The following ITK variants were observed in gnomAD, a reference collection of about 807,000 sequenced individuals.
ITK encodes the protein tyrosine-protein kinase ITK/TSK.
A neutral mutation model predicts 87.6 loss-of-function variants in ITK; 45 were observed. The ratio of observed to expected loss-of-function variants is 0.51; its 90% CI spans 0.40 to 0.66. The LOEUF is 0.66. ITK is among the 30% of genes least tolerant of loss of function. The pLI is 0.00. For synonymous variants in ITK, 303 were observed against 273.6 expected, an observed-to-expected ratio of 1.11 and a Z score of -1.06; for missense variants, 605 against 766.3, an observed-to-expected ratio of 0.79 and a Z score of 2.48.
intron 7 of ITK, 56 bp from the exon 8 acceptor site, chr5:157,232,284 G>C: frequency 8.3e-7 from 1 of 1,200,038 alleles, no homozygotes; most frequent in Non-Finnish European, 1.2e-6. Context: ...TCTTTTATAA[G>C]TAAATAATGA....
intron 4 of ITK, 133 bp downstream of exon 4, chr5:157,214,452 C>T: frequency 3.9e-6 from 3 of 772,674 alleles, no homozygotes; most frequent in Non-Finnish European, 6.7e-6. Flanking sequence ...CAAGAGGAAT[C>T]ATCTGTCTTT....
chr5:157,234,273 C>T (rs531799428), intron 8 of ITK, among the ~76,000 whole-genome samples: 187 of 152,104 alleles, frequency 1.2e-3, no homozygotes, highest in Non-Finnish European at 1.9e-3. Flanking sequence ...TGAGCCACCA[C>T]GCCCAGCCTC....
intron 4 of ITK, among the ~76,000 whole-genome samples, chr5:157,215,454 G>A (rs766403157): frequency 2.0e-5 from 3 of 152,026 alleles, no homozygotes; most frequent in South Asian, 2.1e-4. Context: ...AGACATAATC[G>A]ATCCCTGGGC....
At chr5:157,194,175 A>C (rs1018306632) in intron 1 of ITK, among the ~76,000 whole-genome samples, 1 of 152,130 alleles carries the variant, frequency 6.6e-6, no homozygotes, top group African/African-American at 2.4e-5. Context: ...TACATTTTGC[A>C]AGAAGGTAAT....
intron 1 of ITK, among the ~76,000 whole-genome samples, chr5:157,201,304 T>TTTTA (rs1451666124): frequency 6.7e-6 from 1 of 149,188 alleles, no homozygotes; most frequent in Non-Finnish European, 1.5e-5. Context: ...TTTCCACTTT[T>TTTTA]TTTTTTTTTT....
rs932746622 is a variant in ITK, at chr5:157,254,538, A to G, written c.*1860A>G. ...TGTTGCAATTGGCTCTTTCTAAATC[A>G]TGTGACGTTTTGACTGGCTTGAGAT... On this transcript the variant is annotated 3_prime_UTR_variant, in exon 17 of 17. Transcript: ENST00000422843. The G allele has an allele frequency of 1.8e-5, 4 of 221,078 alleles. No individual in the cohort carries two copies. The highest frequency in any genetic ancestry group is 9.0e-5 in the African/African-American group (4 of 44,656). The allele number at this position is 221,078 out of a possible 1,614,324, so 13.7% of individuals were successfully genotyped here.
intron 4 of ITK, among the ~76,000 whole-genome samples, chr5:157,217,018 G>A (rs1176216310): frequency 3.9e-5 from 6 of 152,174 alleles, no homozygotes; most frequent in East Asian, 3.9e-4. Context: ...CCCATCTCTC[G>A]TTATTAAGGA....
At chr5:157,242,666 C>G (rs1041329932) in intron 11 of ITK, among the ~76,000 whole-genome samples, 1 of 152,022 alleles carries the variant, frequency 6.6e-6, no homozygotes, top group African/African-American at 2.4e-5. Flanking sequence ...ACTATGTTGC[C>G]CTGGCTGGTC....
chr5:157,253,078 G>A lies in ITK; in HGVS notation c.*400G>A. ...ATGAATCTAAAGTTTATGGTTCCAGGGACTTTTTATTTGACCCAACAACAC... is the reference window on the plus strand; with the variant it reads ...ATGAATCTAAAGTTTATGGTTCCAGAGACTTTTTATTTGACCCAACAACAC... On this transcript the variant is annotated 3_prime_UTR_variant, in exon 17 of 17. Coordinates refer to ENST00000422843, the MANE Select transcript of ITK (RefSeq NM_005546.4). 2.8e-6 allele frequency: 1 copy of A among 353,678 alleles called. No individual in the cohort carries two copies. The highest frequency in any genetic ancestry group is 5.4e-6 in the Non-Finnish European group (1 of 185,982). 21.9% of individuals were successfully genotyped at this position (353,678 alleles called of 1,614,324 possible).
At chr5:157,198,427 C>T (rs941289925) in intron 1 of ITK, among the ~76,000 whole-genome samples, 1 of 152,152 alleles carries the variant, frequency 6.6e-6, no homozygotes, top group Non-Finnish European at 1.5e-5. Context: ...CCTCATAGCA[C>T]ATCCAGCCAC....
intron 1 of ITK, among the ~76,000 whole-genome samples, chr5:157,201,376 C>A (rs1332347666): frequency 6.7e-6 from 1 of 148,510 alleles, no homozygotes; most frequent in African/African-American, 2.5e-5. Context: ...TGGCTCACTG[C>A]AACCTCCACC....
chr5:157,248,252 G>C (rs1755060577), intron 15 of ITK, among the ~76,000 whole-genome samples: 1 of 152,180 alleles, frequency 6.6e-6, no homozygotes, highest in Non-Finnish European at 1.5e-5. Flanking sequence ...TAAAGACAAA[G>C]CTAGGTGTCA....
intron 9 of ITK, 129 bp from the exon 10 acceptor site, chr5:157,239,933 G>A (rs1754854220): frequency 5.3e-6 from 5 of 947,408 alleles, no homozygotes; most frequent in Non-Finnish European, 8.1e-6. Context: ...AGACTTATAA[G>A]TTGAACAATA....
intron 3 of ITK, among the ~76,000 whole-genome samples, chr5:157,213,013 G>A (rs1754221529): frequency 6.6e-6 from 1 of 152,142 alleles, no homozygotes; most frequent in South Asian, 2.1e-4. Flanking sequence ...TTTATTCATT[G>A]AGACAGTGTA....
intron 1 of ITK, among the ~76,000 whole-genome samples, chr5:157,184,880 A>G (rs748998776): frequency 8.5e-5 from 13 of 152,196 alleles, no homozygotes; most frequent in Non-Finnish European, 1.6e-4. Context: ...CTTAGGGATC[A>G]AGTGTGCTGT....
chr5:157,203,653 T>C (rs1365799141), intron 1 of ITK, among the ~76,000 whole-genome samples: 3 of 152,226 alleles, frequency 2.0e-5, no homozygotes, highest in Non-Finnish European at 4.4e-5. Flanking sequence ...TCCGCTGTGC[T>C]CTACTATTTG....
intron 1 of ITK, among the ~76,000 whole-genome samples, chr5:157,187,522 T>G (rs985394224): frequency 6.6e-6 from 1 of 152,108 alleles, no homozygotes; most frequent in Non-Finnish European, 1.5e-5. Context: ...ACATAGGACT[T>G]CAAAAGGGAG....
At chr5:157,196,143 A>C (rs1033703095) in intron 1 of ITK, among the ~76,000 whole-genome samples, 1 of 152,202 alleles carries the variant, frequency 6.6e-6, no homozygotes, top group Non-Finnish European at 1.5e-5. Flanking sequence ...CCAAAATGTC[A>C]ATAATGCTGA....
intron 9 of ITK, among the ~76,000 whole-genome samples, chr5:157,239,732 T>C (rs950217472): frequency 3.9e-5 from 6 of 152,200 alleles, no homozygotes; most frequent in African/African-American, 9.6e-5. Flanking sequence ...TTTCTCAATG[T>C]ATGCTGACAA....
Sources: gnomAD v4.1 joint callset for allele counts (sites outside exome capture counted in the v4.1 genomes callset) on GRCh38, gnomAD v4.1.1 for gene constraint, MANE v1.5 for transcripts, NCBI Gene and HGNC (gene_info 2026-07-23, HGNC 2026-07-21) for gene names.